The following SLIT2 variants were observed in gnomAD, a reference collection of about 807,000 sequenced individuals.
The protein encoded by SLIT2 is slit homolog 2 protein.
SLIT2 carries 41 observed loss-of-function variants against 185.7 expected under a neutral mutation model. That is an observed-to-expected ratio of 0.22 (90% CI 0.17 to 0.29). The LOEUF (loss-of-function observed/expected upper bound fraction) is 0.29. Among genes scored for constraint, SLIT2 ranks in the 10% least tolerant of loss-of-function variants. The pLI is 1.00. For synonymous variants in SLIT2, 693 were observed against 680.2 expected (o/e 1.02, Z -0.29); for missense variants, 1,571 against 1,909.0 (o/e 0.82, Z 3.30).
rs1288140964 is a variant in SLIT2, at chr4:20,472,510, A to C, written c.467+4687A>C. On this transcript the variant is annotated intron_variant, in intron 5 of 36. Transcript: ENST00000504154. ...TATATATAGATATATATCTATATAT[A>C]GATAGATATATATCTATATATAGAT... 3.0e-4 allele frequency among the ~76,000 whole-genome samples: 7 copies of C among 23,436 alleles called. 2 individuals carry two copies. Among genetic ancestry groups the C allele is most frequent in the African/African-American group, 5.3e-4 (2 of 3,774 alleles). The allele number at this position is 23,436 out of a possible 152,430, so 15.4% of individuals were successfully genotyped here. A position where few individuals can be genotyped will look rare whatever the true frequency, so the allele number is the denominator to read the frequency against.
intron 29 of SLIT2, among the ~76,000 whole-genome samples, chr4:20,580,190 A>C (rs1726437522): frequency 6.6e-6 from 1 of 150,636 alleles, no homozygotes; most frequent in Admixed American, 6.7e-5. Flanking sequence ...CCTCCCAAGT[A>C]GCTGGGATTA....
chr4:20,474,715 C>G (rs1577732740), intron 5 of SLIT2, among the ~76,000 whole-genome samples: 1 of 152,126 alleles, frequency 6.6e-6, no homozygotes, highest in East Asian at 1.9e-4. Flanking sequence ...CCTCTGAACT[C>G]TTAAAATAGC....
At chr4:20,395,611 A>C (rs1324436184) in intron 4 of SLIT2, among the ~76,000 whole-genome samples, 1 of 152,012 alleles carries the variant, frequency 6.6e-6, no homozygotes, top group African/African-American at 2.4e-5. Context: ...TGAAGTGCAA[A>C]TAAATAGTAT....
rs1053925022 is a variant in SLIT2 at position 20,528,617 on chromosome 4, G to A, written c.1463-332G>A. On this transcript the variant is annotated intron_variant, in intron 15 of 36. Transcript: ENST00000504154. The surrounding 1 kb of genome is among the most constrained non-coding windows in gnomAD (Gnocchi z 4.2). ...GGATATATTTTCAATTCTTGACTCCGAGAAAAAAAATAAACTTTTTAATAA... is the reference window on the plus strand; with the variant it reads ...GGATATATTTTCAATTCTTGACTCCAAGAAAAAAAATAAACTTTTTAATAA... Among the ~76,000 whole-genome samples the A allele has an allele frequency of 5.3e-5, 8 of 151,844 alleles. No individual in the cohort carries two copies. Among genetic ancestry groups the A allele is most frequent in the African/African-American group, 9.7e-5 (4 of 41,316 alleles).
At chr4:20,406,014 G>A (rs993531946) in intron 4 of SLIT2, among the ~76,000 whole-genome samples, 1 of 113,596 alleles carries the variant, frequency 8.8e-6, no homozygotes, top group African/African-American at 2.6e-5. Flanking sequence ...TCACTTTTGA[G>A]CTAATTCAGC....
At chr4:20,388,021 A>T (rs367888050) in intron 4 of SLIT2, among the ~76,000 whole-genome samples, 22 of 152,214 alleles carry the variant, frequency 1.4e-4, no homozygotes, top group East Asian at 7.7e-4. Flanking sequence ...AAAGCATTTG[A>T]CAAAACACCA....
chr4:20,432,332 G>T (rs1351883821), intron 4 of SLIT2, among the ~76,000 whole-genome samples: 9 of 152,106 alleles, frequency 5.9e-5, no homozygotes, highest in Admixed American at 5.9e-4. Flanking sequence ...GTTACGAAGG[G>T]ATTTGAACAA....
chr4:20,487,527 T>A (rs1232244230), intron 7 of SLIT2, among the ~76,000 whole-genome samples: 1 of 152,214 alleles, frequency 6.6e-6, no homozygotes, highest in East Asian at 1.9e-4. Flanking sequence ...TTTTACATTC[T>A]TTTCTCATTT....
chr4:20,478,190 G>T (rs1351371886), intron 5 of SLIT2, among the ~76,000 whole-genome samples: 2 of 152,210 alleles, frequency 1.3e-5, no homozygotes, highest in East Asian at 1.9e-4. Flanking sequence ...GTTAATGAAA[G>T]AATTATTCAC....
chr4:20,448,148 A>C (rs1712030188), intron 4 of SLIT2, among the ~76,000 whole-genome samples: 1 of 152,120 alleles, frequency 6.6e-6, no homozygotes, highest in Admixed American at 6.6e-5. Flanking sequence ...GAATATATTT[A>C]TTTCCTAATC....
chr4:20,584,525 A>G lies in SLIT2; in HGVS notation c.3089-5119A>G, dbSNP rs953996062. ...ATAAACCAGGACGGTTGTACAAGCA[A>G]GAATGAATGGGCACATTACCACTCC... On this transcript the variant is annotated intron_variant, in intron 29 of 36. Transcript: ENST00000504154. Among the ~76,000 whole-genome samples the G allele has an allele frequency of 3.3e-5, 5 of 152,272 alleles. 1 individual carries two copies. Among genetic ancestry groups the G allele is most frequent in the Admixed American group, 3.3e-4 (5 of 15,286 alleles).
intron 5 of SLIT2, among the ~76,000 whole-genome samples, chr4:20,470,703 G>C (rs751816946): frequency 9.9e-5 from 15 of 152,104 alleles, no homozygotes; most frequent in Non-Finnish European, 1.8e-4. Flanking sequence ...AGCCCCCTGA[G>C]TAGCTGGGAT....
intron 6 of SLIT2, among the ~76,000 whole-genome samples, chr4:20,485,811 T>C (rs552979918): frequency 6.6e-6 from 1 of 152,310 alleles, no homozygotes; most frequent in South Asian, 2.1e-4. Flanking sequence ...GTTCATTGAC[T>C]CATGGACACT....
At chr4:20,511,550 A>T (rs1179914560) in intron 11 of SLIT2, among the ~76,000 whole-genome samples, 3 of 136,272 alleles carry the variant, frequency 2.2e-5, no homozygotes, top group Non-Finnish European at 4.6e-5. Flanking sequence ...GCCTCCCGGT[A>T]GCTGGGACTA....
At chr4:20,268,095 C>A (rs892616223) in intron 3 of SLIT2, among the ~76,000 whole-genome samples, 3 of 151,900 alleles carry the variant, frequency 2.0e-5, no homozygotes, top group African/African-American at 7.2e-5. Flanking sequence ...GGTGTGCATA[C>A]CAAGCATCAG....
Position 20,456,577 on chromosome 4 carries a change from A to G in SLIT2, c.396-11175A>G, listed in dbSNP as rs1415279383. Among the ~76,000 whole-genome samples, 12 of 152,104 alleles carry G rather than the reference A, an allele frequency of 7.9e-5. No individual in the cohort carries two copies. The East Asian group carries it at 2.1e-3, about 27-fold the overall frequency. ...CTCTTTACTCACATATGCATGGCTG[A>G]TCTTCCTCAGTATATTGCAGTCATT... On this transcript the variant is annotated intron_variant, in intron 4 of 36. Coordinates refer to ENST00000504154, the MANE Select transcript of SLIT2 (RefSeq NM_004787.4).
chr4:20,550,291 A>G (rs1280760351), intron 24 of SLIT2, among the ~76,000 whole-genome samples: 1 of 151,230 alleles, frequency 6.6e-6, no homozygotes, highest in Non-Finnish European at 1.5e-5. Context: ...TCATTTCCCC[A>G]TTTTCTGTTG....
chr4:20,457,647 C>T (rs922013946), intron 4 of SLIT2, among the ~76,000 whole-genome samples: 4 of 152,024 alleles, frequency 2.6e-5, no homozygotes, highest in Non-Finnish European at 5.9e-5. Context: ...TTATTTTAAT[C>T]AGTGCAGTGG....
At chr4:20,275,225 A>G (rs958007915) in intron 4 of SLIT2, among the ~76,000 whole-genome samples, 3 of 152,116 alleles carry the variant, frequency 2.0e-5, no homozygotes, top group African/African-American at 7.2e-5. Flanking sequence ...ACTGAAATCA[A>G]TTTACTTTCT....
Sources: gnomAD v4.1 joint callset for allele counts (sites outside exome capture counted in the v4.1 genomes callset) on GRCh38, gnomAD v4.1.1 for gene constraint, Gnocchi (gnomAD v3.1) non-coding constraint, MANE v1.5 for transcripts, NCBI Gene and HGNC (gene_info 2026-07-23, HGNC 2026-07-21) for gene names.